The following DAB2 variants were observed in gnomAD, a reference collection of about 807,000 sequenced individuals.
DAB2 encodes disabled homolog 2.
Under a neutral mutation model 71.6 loss-of-function variants are expected in DAB2, and 28 were observed. The ratio of observed to expected loss-of-function variants is 0.39; its 90% CI spans 0.29 to 0.54. The LOEUF (loss-of-function observed/expected upper bound fraction) is 0.54. Among genes scored for constraint, DAB2 ranks in the 20% least tolerant of loss-of-function variants. The pLI is 0.68. For synonymous variants in DAB2, 345 were observed against 339.7 expected, an observed-to-expected ratio of 1.02 and a Z score of -0.17; for missense variants, 867 against 928.8, an observed-to-expected ratio of 0.93 and a Z score of 0.86.
chr5:39,401,365 T>C (rs1755495723), intron 1 of DAB2, among the ~76,000 whole-genome samples: 1 of 152,178 alleles, frequency 6.6e-6, no homozygotes, highest in African/African-American at 2.4e-5. Context: ...ATGGCAGGAC[T>C]TAGAGGACTT....
intron 4 of DAB2, among the ~76,000 whole-genome samples, chr5:39,391,532 A>T (rs529842398): frequency 6.6e-6 from 1 of 152,272 alleles, no homozygotes; most frequent in South Asian, 2.1e-4. Context: ...TTTGCATGGT[A>T]GATAATGGGC....
At position 39,382,806 on chromosome 5, in the gene DAB2, C is replaced by G. The variant is rs1450544975; in HGVS notation, c.1153G>C (p.Glu385Gln). 1 of 1,614,030 alleles carries G rather than the reference C, an allele frequency of 6.2e-7. No homozygotes were observed. Among genetic ancestry groups the G allele is most frequent in the African/African-American group, 1.3e-5 (1 of 74,914 alleles). The change falls in exon 10 of 15, where the codon GAA becomes CAA. Residue 385 changes from glutamate to glutamine, a missense_variant. This residue lies in a region of DAB2 where 740 missense variants were observed against 734.3 expected (regional missense o/e 1.01). Coordinates refer to ENST00000320816, the MANE Select transcript of DAB2 (RefSeq NM_001343.4). ...GATTTGACAGAGAAGCCGTTCTGTT[C>G]TCTTTCAGATACCCCATTTTGAGTT... Reference protein sequence around the residue: ...VRTQNGVSEREQNGFSVKSSP... With the variant: ...VRTQNGVSERQQNGFSVKSSP...
intron 11 of DAB2, among the ~76,000 whole-genome samples, chr5:39,379,443 CAAAAAAAAAA>C (rs33949918): frequency 5.5e-5 from 4 of 72,528 alleles, no homozygotes; most frequent in African/African-American, 1.2e-4. Flanking sequence ...GACTCTGTCT[CAAAAAAAAAA>C]AAAAAAAAAA....
In DAB2 at chr5:39,389,905, C is replaced by G. The variant is rs1426639122; in HGVS notation, c.490G>C (p.Asp164His). 1 of 1,596,742 alleles carries G rather than the reference C, an allele frequency of 6.3e-7. No individual in the cohort carries two copies. The highest frequency in any genetic ancestry group is 2.3e-5 in the East Asian group (1 of 44,370). ...QAEPLVVDLKDLFQVIYNVKK... is the reference protein window; with the variant it reads ...QAEPLVVDLKHLFQVIYNVKK... ...ACATTATAGATAACTTGAAAAAGGT[C>G]TTTAAGATCAACAACTAATGGTTCA... is the stretch of plus-strand genomic sequence containing the variant. The change falls in exon 6 of 15, where the codon GAC becomes CAC. Residue 164 changes from aspartate to histidine, a missense_variant. By Grantham distance (81) the Asp-to-His change is moderately conservative. Coordinates refer to ENST00000320816, the MANE Select transcript of DAB2 (RefSeq NM_001343.4).
At chr5:39,412,541 G>A (rs1336133852) in intron 1 of DAB2, among the ~76,000 whole-genome samples, 2 of 152,164 alleles carry the variant, frequency 1.3e-5, no homozygotes, top group East Asian at 3.9e-4. Context: ...AAACATAAGT[G>A]GAGTATAGAC....
intron 1 of DAB2, among the ~76,000 whole-genome samples, chr5:39,412,645 A>C (rs1342052456): frequency 1.3e-5 from 2 of 152,150 alleles, no homozygotes; most frequent in African/African-American, 2.4e-5. Context: ...CATGTTCCTT[A>C]GAAACACAGA....
chr5:39,415,056 TTAA>T (rs1411355076), intron 1 of DAB2, among the ~76,000 whole-genome samples: 1 of 152,144 alleles, frequency 6.6e-6, no homozygotes, highest in Non-Finnish European at 1.5e-5. Flanking sequence ...TTCATTGCTG[TTAA>T]TAATACTTCA....
chr5:39,385,435 G>A (rs1755078058), intron 9 of DAB2: 1 of 152,154 alleles, frequency 6.6e-6, no homozygotes, highest in Non-Finnish European at 1.5e-5. Flanking sequence ...CACCCTATAA[G>A]TAAAATGTAT....
Position 39,381,562 on chromosome 5 carries a change from G to A in DAB2, c.1396C>T (p.Pro466Ser), listed in dbSNP as rs773409570. 2 of 1,614,072 alleles carry A rather than the reference G, an allele frequency of 1.2e-6. No homozygotes were observed. The highest frequency in any genetic ancestry group is 1.1e-5 in the South Asian group (1 of 91,090). ...SDIFAPPVSE[P>S]SGQASPTGQP... ...CCTGTGGGTGACGCCTGGCCTGAAG[G>A]TTCTGAGACGGGAGGAGCAAAGATG... The change falls in exon 11 of 15, where the codon CCT (proline) becomes TCT (serine). Residue 466 changes from proline to serine, a missense_variant. Transcript: ENST00000320816.
rs182938908 is a variant in DAB2, at chr5:39,383,291, A to G, written c.688-20T>C. 6,585 of 1,561,122 alleles carry G rather than the reference A, an allele frequency of 4.2e-3. 20 individuals carry two copies. The highest frequency in any genetic ancestry group is 5.1e-3 in the Non-Finnish European group (5,868 of 1,153,496). ...GCTTTCCTATCACATTTGGAAAGAA[A>G]AAAAAAGAAAGTGTTAGTCCATGTT... On this transcript the variant is annotated intron_variant, in intron 9 of 14. Coordinates refer to ENST00000320816, the MANE Select transcript of DAB2 (RefSeq NM_001343.4).
chr5:39,419,345 T>C (rs907511024), intron 1 of DAB2, among the ~76,000 whole-genome samples: 4 of 152,310 alleles, frequency 2.6e-5, no homozygotes, highest in African/African-American at 9.6e-5. Context: ...AATTGCTAAG[T>C]ATTCAGATAA....
chr5:39,397,717 A>G (rs1755399553), intron 1 of DAB2, among the ~76,000 whole-genome samples: 1 of 152,182 alleles, frequency 6.6e-6, no homozygotes, highest in Non-Finnish European at 1.5e-5. Flanking sequence ...CTATTCTTTA[A>G]GGGTACCCTA....
At chr5:39,415,712 G>C (rs1436135454) in intron 1 of DAB2, among the ~76,000 whole-genome samples, 1 of 152,122 alleles carries the variant, frequency 6.6e-6, no homozygotes, top group Non-Finnish European at 1.5e-5. Flanking sequence ...TCAAGGAAAT[G>C]GACTTCATGA....
chr5:39,413,094 T>C (rs1341739286), intron 1 of DAB2, among the ~76,000 whole-genome samples: 1 of 152,030 alleles, frequency 6.6e-6, no homozygotes, highest in Non-Finnish European at 1.5e-5. Context: ...TGAGTGATGG[T>C]GTGGAGGTTG....
chr5:39,376,536 A>G (rs922446375), intron 12 of DAB2, 114 bp downstream of exon 12: 4 of 1,248,914 alleles, frequency 3.2e-6, no homozygotes, highest in Admixed American at 2.0e-5. Context: ...TACCAACAGA[A>G]GCAAGAGCAA....
At chr5:39,375,719 T>C (rs1333336246) in intron 13 of DAB2, among the ~76,000 whole-genome samples, 3 of 151,964 alleles carry the variant, frequency 2.0e-5, no homozygotes, top group Non-Finnish European at 4.4e-5. Context: ...ACCCCATCTC[T>C]ACAAAAAAAT....
chr5:39,391,947 G>T (rs1451921796), intron 4 of DAB2, among the ~76,000 whole-genome samples: 2 of 128,050 alleles, frequency 1.6e-5, no homozygotes, highest in Admixed American at 8.6e-5. Context: ...AATTAATCTA[G>T]TTCTGTATAC....
At chr5:39,407,789 G>C (rs577792972) in intron 1 of DAB2, among the ~76,000 whole-genome samples, 1 of 152,308 alleles carries the variant, frequency 6.6e-6, no homozygotes, top group South Asian at 2.1e-4. Flanking sequence ...CTATGCGGAT[G>C]TTAGAAGAGT....
At chr5:39,381,985 T>C (rs559618090) in intron 10 of DAB2, among the ~76,000 whole-genome samples, 19 of 152,306 alleles carry the variant, frequency 1.2e-4, no homozygotes, top group African/African-American at 4.3e-4. Flanking sequence ...GTTCATTCCA[T>C]TGGATTTTAA....
Sources: allele counts gnomAD v4.1 joint callset (sites outside exome capture counted in the v4.1 genomes callset), GRCh38; gene constraint gnomAD v4.1.1; regional missense constraint gnomAD v4.1.1; transcripts MANE v1.5; gene names NCBI Gene and HGNC (gene_info 2026-07-23, HGNC 2026-07-21).